FKRP: variants seen among roughly 807,000 people sequenced by gnomAD.
The protein encoded by FKRP is ribitol 5-phosphate transferase FKRP.
FKRP carries 25 observed loss-of-function variants against 30.6 expected under a neutral mutation model. The observed-to-expected ratio is 0.82, with a 90% CI of 0.60 to 1.14. The LOEUF is 1.14. Ranked by LOEUF, FKRP falls within the 50% of genes most tolerant of loss-of-function variation. The pLI is 0.00. For missense variants in FKRP, 771 were observed against 727.8 expected (o/e 1.06, Z -0.68); for synonymous variants, 358 against 342.5 (o/e 1.05, Z -0.50).
At chr19:46,744,998 T>G (rs2122439710), upstream of FKRP, among the ~76,000 whole-genome samples, 1 of 152,126 alleles carries the variant, frequency 6.6e-6, no homozygotes, top group African/African-American at 2.4e-5. Flanking sequence ...ACGGGGTCTT[T>G]TCCCAAGACT....
chr19:46,755,316 T>A, intron 3 of FKRP, 96 bp from the exon 4 acceptor site: 1 of 788,176 alleles, frequency 1.3e-6, no homozygotes, highest in African/African-American at 1.8e-5. Context: ...GAAAGGGAAT[T>A]GAGAAAGAGC....
intron 3 of FKRP, among the ~76,000 whole-genome samples, chr19:46,751,666 C>T (rs577116659): frequency 7.3e-5 from 11 of 150,370 alleles, no homozygotes; most frequent in Admixed American, 1.3e-4. Context: ...CCCGGGTTCA[C>T]GCCATTCTCC....
At chr19:46,752,730 T>C (rs1281873009) in intron 3 of FKRP, among the ~76,000 whole-genome samples, 4 of 152,012 alleles carry the variant, frequency 2.6e-5, no homozygotes, top group Non-Finnish European at 5.9e-5. Context: ...CCAGGCACAG[T>C]ATTGCATGCC....
At position 46,748,339 on chromosome 19, in the gene FKRP, G is replaced by A. The variant is rs1014011628; in HGVS notation, c.-190-176G>A. Among the ~76,000 whole-genome samples the A allele has an allele frequency of 2.0e-5, 3 of 151,894 alleles. No individual in the cohort carries two copies. The South Asian group carries it at 6.2e-4, about 32-fold the overall frequency. On this transcript the variant is annotated intron_variant, in intron 2 of 3. Transcript: ENST00000318584. ...ATTACAGGCACCTGCCACCACGCCC[G>A]GCTAATTTTTTGTATTTTTAATAGA...
chr19:46,748,169 T>TTTTTTC (rs1455679205), intron 2 of FKRP, 81 bp downstream of exon 2: 7 of 152,258 alleles, frequency 4.6e-5, no homozygotes, highest in African/African-American at 1.7e-4. Flanking sequence ...TGTCTCTCAT[T>TTTTTTC]TTTTTCTTTT....
intron 1 of FKRP, chr19:46,746,484 C>G: frequency 1.1e-6 from 1 of 895,358 alleles, no homozygotes; most frequent in African/African-American, 2.4e-5. Flanking sequence ...CCTGCGCGGC[C>G]GCGCCAACAC....
chr19:46,755,460 A>C lies in FKRP; in HGVS notation c.10A>C (p.Thr4Pro), dbSNP rs778085300. MRL[T>P]RCQAALAAAI... is the part of the protein sequence containing the mutation. ...CCCAGACTTCGGCCCCATGCGGCTC[A>C]CCCGCTGCCAGGCTGCCCTGGCGGC... The change falls in exon 4 of 4, where the codon ACC becomes CCC. Residue 4 changes from threonine to proline, a missense_variant. By Grantham distance (38) the Thr-to-Pro change is conservative. Transcript: ENST00000318584. 1.8e-5 allele frequency: 29 copies of C among 1,606,246 alleles called. No homozygotes were observed. Among genetic ancestry groups the C allele is most frequent in the Non-Finnish European group, 1.7e-6 (2 of 1,179,184 alleles).
At chr19:46,753,487 G>A (rs2054837004) in intron 3 of FKRP, among the ~76,000 whole-genome samples, 1 of 149,632 alleles carries the variant, frequency 6.7e-6, no homozygotes, top group Admixed American at 6.7e-5. Flanking sequence ...AAAGAAATAA[G>A]AGCAGTTTGA....
chr19:46,755,886 G>C lies in FKRP; in HGVS notation c.436G>C (p.Glu146Gln). The C allele has an allele frequency of 6.7e-7, 1 of 1,503,370 alleles. No homozygotes were observed. The allele number at this position is 1,503,370 out of a possible 1,614,324, so 93.1% of individuals were successfully genotyped here. A position where few individuals can be genotyped will look rare whatever the true frequency, so the allele number is the denominator to read the frequency against. ...EAPGLLERMVEALRAGSARLV... is the reference protein window; with the variant it reads ...EAPGLLERMVQALRAGSARLV... ...ACCTGGCCTGCTGGAGCGCATGGTG[G>C]AGGCGCTCCGCGCAGGAAGCGCACG... Residue 146 changes from glutamate to glutamine, a missense_variant, in exon 4 of 4, where the codon GAG becomes CAG. By Grantham distance (29) the Glu-to-Gln change is conservative (BLOSUM62 2). Coordinates refer to ENST00000318584, the MANE Select transcript of FKRP (RefSeq NM_024301.5).
chr19:46,756,366 G>T lies in FKRP; in HGVS notation c.916G>T (p.Ala306Ser). Residue 306 changes from alanine (A) to serine (S), a missense_variant, in exon 4 of 4, where the codon GCC (alanine) becomes TCC (serine). Transcript: ENST00000318584. The surrounding 1 kb of genome is among the most constrained non-coding windows in gnomAD (Gnocchi z 6.6). Reference protein sequence around the residue: ...CFGTVVGDTPAYLYEERWTPP... With the variant: ...CFGTVVGDTPSYLYEERWTPP... ...CGGAACCGTGGTGGGCGACACGCCC[G>T]CCTACCTCTACGAGGAGCGCTGGAC... 6.4e-7 allele frequency: 1 copy of T among 1,560,814 alleles called. No homozygotes were observed. The highest frequency in any genetic ancestry group is 8.7e-7 in the Non-Finnish European group (1 of 1,155,012).
chr19:46,755,798 C>G lies in FKRP; in HGVS notation c.348C>G (p.Arg116=), dbSNP rs995869558. 2.0e-6 allele frequency: 3 copies of G among 1,518,120 alleles called. No individual in the cohort carries two copies. In the African/African-American group the frequency reaches 4.1e-5, roughly 21 times the overall value. The allele number at this position is 1,518,120 out of a possible 1,614,324, so 94.0% of individuals were successfully genotyped here. Residue 116 remains arginine (R), a synonymous_variant, in exon 4 of 4, where the codon CGC becomes CGG. Coordinates refer to ENST00000318584, the MANE Select transcript of FKRP (RefSeq NM_024301.5). ...PALDRPAAAS[R]PETYVATEFV... ...TGGACCGGCCAGCCGCAGCCTCGCG[C>G]CCGGAGACCTACGTGGCCACCGAGT...
intron 1 of FKRP, 196 bp downstream of exon 1, chr19:46,746,286 C>A (rs2054610309): frequency 1.4e-6 from 2 of 1,445,098 alleles, no homozygotes; most frequent in Non-Finnish European, 1.8e-6. Context: ...CCTCCGCCGC[C>A]GCCTCCCTTA....
chr19:46,752,186 C>T (rs1444141713), intron 3 of FKRP, among the ~76,000 whole-genome samples: 3 of 152,144 alleles, frequency 2.0e-5, no homozygotes, highest in Non-Finnish European at 4.4e-5. Context: ...TGAGCAGAGC[C>T]AGGACAGGAT....
At position 46,756,480 on chromosome 19, in the gene FKRP, G is replaced by T. The variant is rs1263303357; in HGVS notation, c.1030G>T (p.Gly344Cys). The T allele has an allele frequency of 6.5e-7, 1 of 1,544,466 alleles. No homozygotes were observed. The highest frequency in any genetic ancestry group is 2.0e-5 in the Admixed American group (1 of 50,590). The change falls in exon 4 of 4, where the codon GGC becomes TGC. Residue 344 changes from glycine (G) to cysteine (C), a missense_variant. Physicochemically the swap from Gly to Cys is radical, Grantham distance 159. Coordinates refer to ENST00000318584, the MANE Select transcript of FKRP (RefSeq NM_024301.5). This position sits in a 1 kb window ranked among gnomAD's most constrained non-coding sequence, Gnocchi z 6.6. ...TGCGGGCGTGCGCTACTGGCTCGAG[G>T]GCGGCTCACTGCTGGGGGCCGCCCG... is the stretch of plus-strand genomic sequence containing the variant. ...EAAGVRYWLE[G>C]GSLLGAARHG... is the part of the protein sequence containing the mutation.
chr19:46,750,007 C>T (rs1343759335), intron 3 of FKRP, among the ~76,000 whole-genome samples: 1 of 152,132 alleles, frequency 6.6e-6, no homozygotes, highest in African/African-American at 2.4e-5. Context: ...CATGAGCCAC[C>T]ACATCGGCTG....
upstream of FKRP, chr19:46,746,044 C>T: frequency 1.2e-6 from 1 of 867,336 alleles, no homozygotes; most frequent in Non-Finnish European, 1.5e-6. Flanking sequence ...CCCCCGCCGG[C>T]CGTCCCGGCG....
Position 46,756,083 on chromosome 19 carries a change from G to C in FKRP, c.633G>C (p.Ser211=). 6.4e-7 allele frequency: 1 copy of C among 1,552,748 alleles called. No individual in the cohort carries two copies. The highest frequency in any genetic ancestry group is 8.6e-7 in the Non-Finnish European group (1 of 1,158,794). The change falls in exon 4 of 4, where the codon TCG becomes TCC. Residue 211 remains serine (S), a synonymous_variant. Transcript: ENST00000318584. The surrounding 1 kb of genome is among the most constrained non-coding windows in gnomAD (Gnocchi z 6.6). ...LLRARDLFNL[S]APLARPVGTS... Reference sequence around the variant, plus strand: ...GCGCCCGCGACCTCTTCAACCTCTCGGCGCCCCTGGCCCGGCCGGTGGGCA... The same window carrying C: ...GCGCCCGCGACCTCTTCAACCTCTCCGCGCCCCTGGCCCGGCCGGTGGGCA...
intron 1 of FKRP, 98 bp from the exon 2 acceptor site, chr19:46,747,929 C>A (rs1382600866): frequency 6.6e-6 from 1 of 152,170 alleles, no homozygotes; most frequent in Non-Finnish European, 1.5e-5. Context: ...AGAAAGGATT[C>A]CCTGACCTTT....
intron 3 of FKRP, among the ~76,000 whole-genome samples, chr19:46,749,244 G>C (rs2054736573): frequency 6.6e-6 from 1 of 152,130 alleles, no homozygotes; most frequent in Non-Finnish European, 1.5e-5. Flanking sequence ...AAGATGGGCT[G>C]AGAGTTGGGG....
Sources: allele counts gnomAD v4.1 joint callset (sites outside exome capture counted in the v4.1 genomes callset), GRCh38; gene constraint gnomAD v4.1.1; non-coding constraint Gnocchi (gnomAD v3.1); transcripts MANE v1.5; gene names NCBI Gene and HGNC (gene_info 2026-07-23, HGNC 2026-07-21).